Variants in DDHD1 observed in about 807,000 individuals in gnomAD.
DDHD1 encodes the protein DDHD domain containing 1.
In DDHD1, 49 loss-of-function variants were observed where a neutral mutation model predicts 96.4. That is an observed-to-expected ratio of 0.51 (90% CI 0.40 to 0.64). The LOEUF (loss-of-function observed/expected upper bound fraction) is 0.64. Among genes scored for constraint, DDHD1 ranks in the 30% least tolerant of loss-of-function variants. The pLI is 0.00. For missense variants in DDHD1, 1,106 were observed against 1,161.2 expected, an observed-to-expected ratio of 0.95 and a Z score of 0.69; for synonymous variants, 442 against 446.5, an observed-to-expected ratio of 0.99 and a Z score of 0.13.
At position 53,042,213 on chromosome 14, in the gene DDHD1, A is replaced by G. The variant is rs1369991680; in HGVS notation, c.*4555T>C. On this transcript the variant is annotated 3_prime_UTR_variant, in exon 13 of 13. Coordinates refer to ENST00000673822, the MANE Select transcript of DDHD1 (RefSeq NM_001160148.2). ...GCAGCACCAGATAGATTCACAGAGC[A>G]TTTAGTGTAGCAAAGGCTCTCAAAG... 6.6e-6 allele frequency: 1 copy of G among 152,234 alleles called. No homozygotes were observed. The highest frequency in any genetic ancestry group is 2.4e-5 in the African/African-American group (1 of 41,466). 9.4% of individuals were successfully genotyped at this position (152,234 alleles called of 1,614,324 possible). A position where few individuals can be genotyped will look rare whatever the true frequency, so the allele number is the denominator to read the frequency against.
At chr14:53,104,784 T>C (rs1323245619) in intron 1 of DDHD1, among the ~76,000 whole-genome samples, 2 of 151,612 alleles carry the variant, frequency 1.3e-5, no homozygotes, top group Admixed American at 6.6e-5. Context: ...AAAATAAAAA[T>C]AACAAAACCC....
intron 1 of DDHD1, among the ~76,000 whole-genome samples, chr14:53,148,655 A>G (rs1014011625): frequency 6.6e-6 from 1 of 152,212 alleles, no homozygotes; most frequent in Non-Finnish European, 1.5e-5. Context: ...TATCTCTAGA[A>G]TGTTCCATAT....
chr14:53,052,573 A>C (rs1882694669), intron 11 of DDHD1: 1 of 152,058 alleles, frequency 6.6e-6, no homozygotes, highest in African/African-American at 2.4e-5. Context: ...ACAGCACTTA[A>C]CGACGAGAAA....
At position 53,039,622 on chromosome 14, in the gene DDHD1, T is replaced by G. The variant is rs1319537591; in HGVS notation, c.*7146A>C. ...AGGATGCTGGGCAGACAAAAACAGG[T>G]AGCCAGTACAATAACTAAAATGCAA... On this transcript the variant is annotated 3_prime_UTR_variant, in exon 13 of 13. Transcript: ENST00000673822. 6.6e-6 allele frequency: 1 copy of G among 152,198 alleles called. No homozygotes were observed. Among genetic ancestry groups the G allele is most frequent in the Non-Finnish European group, 1.5e-5 (1 of 68,040 alleles). 9.4% of individuals were successfully genotyped at this position (152,198 alleles called of 1,614,324 possible).
chr14:53,139,704 A>G (rs552351526), intron 1 of DDHD1, among the ~76,000 whole-genome samples: 2 of 152,150 alleles, frequency 1.3e-5, no homozygotes, highest in East Asian at 3.9e-4. Context: ...AACAAAAACA[A>G]AAACAAAAAA....
chr14:53,067,489 G>A (rs1419308344), intron 6 of DDHD1, among the ~76,000 whole-genome samples: 3 of 140,350 alleles, frequency 2.1e-5, no homozygotes, highest in East Asian at 4.3e-4. Flanking sequence ...ATGGAATCTC[G>A]CTCTGTCACC....
At chr14:53,109,723 G>C (rs576725702) in intron 1 of DDHD1, among the ~76,000 whole-genome samples, 1 of 152,166 alleles carries the variant, frequency 6.6e-6, no homozygotes, top group South Asian at 2.1e-4. Flanking sequence ...ATCTTAAAAG[G>C]CTATCATTCT....
At chr14:53,138,233 T>C (rs548516027) in intron 1 of DDHD1, among the ~76,000 whole-genome samples, 1 of 152,142 alleles carries the variant, frequency 6.6e-6, no homozygotes, top group Non-Finnish European at 1.5e-5. Flanking sequence ...GGTGAAACCT[T>C]ATCTCTACTA....
Position 53,073,840 on chromosome 14 carries a change from C to G in DDHD1, c.1297G>C (p.Glu433Gln). 1 of 1,608,918 alleles carries G rather than the reference C, an allele frequency of 6.2e-7. No individual in the cohort carries two copies. The highest frequency in any genetic ancestry group is 2.2e-5 in the East Asian group (1 of 44,726). Residue 433 changes from glutamate to glutamine, a missense_variant, in exon 5 of 13, where the codon GAA becomes CAA. Physicochemically the swap from Glu to Gln is conservative, Grantham distance 29. Coordinates refer to ENST00000673822, the MANE Select transcript of DDHD1 (RefSeq NM_001160148.2). ...RIIKNTAMMREAARKIEERHF... is the reference protein window; with the variant it reads ...RIIKNTAMMRQAARKIEERHF... ...CTTTCTTCTATTTTTCTTGCAGCTTCTCTCATCCTAAAAAAACAAACAAAC... is the reference window on the plus strand; with the variant it reads ...CTTTCTTCTATTTTTCTTGCAGCTTGTCTCATCCTAAAAAAACAAACAAAC...
intron 4 of DDHD1, among the ~76,000 whole-genome samples, chr14:53,082,655 A>G (rs1240670068): frequency 2.6e-5 from 4 of 151,770 alleles, no homozygotes; most frequent in Admixed American, 6.6e-5. Flanking sequence ...GCTACTAGGA[A>G]GGCTGAGATA....
chr14:53,092,039 TCACTGG>T (rs1412341468), intron 3 of DDHD1, 107 bp from the exon 4 acceptor site: 5 of 1,109,914 alleles, frequency 4.5e-6, no homozygotes, highest in Non-Finnish European at 3.8e-6. Context: ...TGAAAAAATT[TCACTGG>T]CTGTGGGGGA....
Position 53,040,724 on chromosome 14 carries a change from T to C in DDHD1, c.*6044A>G, listed in dbSNP as rs1214768336. 1 of 152,110 alleles carries C rather than the reference T, an allele frequency of 6.6e-6. No homozygotes were observed. The highest frequency in any genetic ancestry group is 1.5e-5 in the Non-Finnish European group (1 of 68,026). The allele number at this position is 152,110 out of a possible 1,614,324, so 9.4% of individuals were successfully genotyped here. On this transcript the variant is annotated 3_prime_UTR_variant, in exon 13 of 13. Coordinates refer to ENST00000673822, the MANE Select transcript of DDHD1 (RefSeq NM_001160148.2). ...GTAAAACTGAAGATTCTGAGAAAAC[T>C]AACCTGCTTTGGCTATTGAAAATAA... is the stretch of plus-strand genomic sequence containing the variant.
At chr14:53,049,656 T>TGAAAA (rs1882357985) in intron 12 of DDHD1, among the ~76,000 whole-genome samples, 2 of 45,188 alleles carry the variant, frequency 4.4e-5, no homozygotes, top group African/African-American at 2.6e-4. Flanking sequence ...CTGAGCTAGG[T>TGAAAA]CAAAAAAAAA....
At position 53,041,215 on chromosome 14, in the gene DDHD1, C is replaced by T. The variant is rs1323738596; in HGVS notation, c.*5553G>A. 6.6e-6 allele frequency: 1 copy of T among 152,128 alleles called. No homozygotes were observed. Among genetic ancestry groups the T allele is most frequent in the East Asian group, 1.9e-4 (1 of 5,194 alleles). 9.4% of individuals were successfully genotyped at this position (152,128 alleles called of 1,614,324 possible). ...TCCTAAAGAATATTCCCCAACATAT[C>T]CTGACAACTGTTGGGTGGGGAGGAA... On this transcript the variant is annotated 3_prime_UTR_variant, in exon 13 of 13. Coordinates refer to ENST00000673822, the MANE Select transcript of DDHD1 (RefSeq NM_001160148.2).
chr14:53,064,404 T>A (rs1681950713), intron 6 of DDHD1, among the ~76,000 whole-genome samples: 1 of 152,068 alleles, frequency 6.6e-6, no homozygotes. Context: ...CCTAATCTTT[T>A]TGTTTTTATA....
At chr14:53,142,317 T>G (rs1890692861) in intron 1 of DDHD1, among the ~76,000 whole-genome samples, 1 of 152,220 alleles carries the variant, frequency 6.6e-6, no homozygotes, top group Admixed American at 6.5e-5. Flanking sequence ...CTGTTAGATT[T>G]TACACTAAGT....
intron 4 of DDHD1, among the ~76,000 whole-genome samples, chr14:53,075,127 TGAAAA>T (rs1359821138): frequency 6.6e-6 from 1 of 151,990 alleles, no homozygotes; most frequent in Admixed American, 6.6e-5. Context: ...GGTGATCAAG[TGAAAA>T]GAAGAGTCGC....
At chr14:53,082,873 A>G (rs1478668045) in intron 4 of DDHD1, among the ~76,000 whole-genome samples, 1 of 151,702 alleles carries the variant, frequency 6.6e-6, no homozygotes, top group East Asian at 1.9e-4. Flanking sequence ...GGGCTCAAGC[A>G]ATCCAAAATA....
chr14:53,055,866 G>C lies in DDHD1; in HGVS notation c.2039C>G (p.Ser680Ter). 3 of 1,613,524 alleles carry C rather than the reference G, an allele frequency of 1.9e-6. No individual in the cohort carries two copies. Among genetic ancestry groups the C allele is most frequent in the Non-Finnish European group, 2.5e-6 (3 of 1,179,634 alleles). Residue 680 changes from serine (S) to a stop codon, truncating the protein, a stop_gained, in exon 10 of 13, where the codon TCA (serine) becomes TGA (stop). Transcript: ENST00000673822. LOFTEE classifies it high-confidence loss of function. ...PLILKHYSNI[S>*]PVQIHWYNTS... ...ATTGTACCAGTGGATCTGGACAGGT[G>C]AAATGTTGCTGTAGTGTTTCAGTAT...
Sources: gnomAD v4.1 joint callset for allele counts (sites outside exome capture counted in the v4.1 genomes callset) on GRCh38, gnomAD v4.1.1 for gene constraint, MANE v1.5 for transcripts, NCBI Gene and HGNC (gene_info 2026-07-23, HGNC 2026-07-21) for gene names.